DNAH2: variants seen among roughly 807,000 people sequenced by gnomAD.
The protein encoded by DNAH2 is axonemal beta dynein heavy chain 2.
Under a neutral mutation model 523.5 loss-of-function variants are expected in DNAH2, and 323 were observed. The observed-to-expected ratio is 0.62, with a 90% CI of 0.56 to 0.68. The LOEUF is 0.68. Ranked by LOEUF, DNAH2 falls within the 30% of genes least tolerant of loss-of-function variation. DNAH2 has a pLI of 0.00. For missense variants in DNAH2, 4,907 were observed against 5,701.5 expected (o/e 0.86, Z 4.49); for synonymous variants, 2,093 against 2,177.4 (o/e 0.96, Z 1.08).
intron 12 of DNAH2, chr17:7,743,539 G>A: frequency 1.7e-6 from 1 of 596,080 alleles, no homozygotes; most frequent in Admixed American, 3.0e-5. Context: ...GGTGGCACAA[G>A]CCTGTAGTCT....
intron 5 of DNAH2, among the ~76,000 whole-genome samples, chr17:7,733,783 C>T (rs187419846): frequency 1.9e-4 from 29 of 152,060 alleles, no homozygotes; most frequent in African/African-American, 3.4e-4. Context: ...TGCCAAGATC[C>T]GCTTTCTAAT....
chr17:7,783,936 AC>A (rs1227057806), intron 39 of DNAH2, among the ~76,000 whole-genome samples: 5 of 152,222 alleles, frequency 3.3e-5, no homozygotes, highest in Admixed American at 3.3e-4. Context: ...TATAATGTTT[AC>A]AAGAGACCCA....
intron 22 of DNAH2, among the ~76,000 whole-genome samples, chr17:7,767,479 G>A (rs1325580588): frequency 6.6e-6 from 1 of 152,046 alleles, no homozygotes; most frequent in Non-Finnish European, 1.5e-5. Context: ...TAGATCATAT[G>A]GAAACTCTAT....
Position 7,770,943 on chromosome 17 carries a change from C to G in DNAH2, c.4362+10C>G, listed in dbSNP as rs371701082. 2.5e-6 allele frequency: 4 copies of G among 1,611,826 alleles called. No homozygotes were observed. The highest frequency in any genetic ancestry group is 4.5e-5 in the East Asian group (2 of 44,870). ...GTGGATGTACTTAGAGGTCAGGACTCAGCGCCTGAGCTCTTCCTGCTTCCT... is the reference window on the plus strand; with the variant it reads ...GTGGATGTACTTAGAGGTCAGGACTGAGCGCCTGAGCTCTTCCTGCTTCCT... On this transcript the variant is annotated intron_variant, in intron 27 of 85. Transcript: ENST00000572933.
intron 58 of DNAH2, among the ~76,000 whole-genome samples, 177 bp from the exon 59 acceptor site, chr17:7,804,079 G>A (rs2077295956): frequency 6.6e-6 from 1 of 152,184 alleles, no homozygotes. Flanking sequence ...CCCTTGGGAA[G>A]CTGTTGGCAA....
At chr17:7,767,849 G>A (rs2076211502) in intron 22 of DNAH2, 51 bp from the exon 23 acceptor site, 6 of 1,610,914 alleles carry the variant, frequency 3.7e-6, no homozygotes, top group Non-Finnish European at 5.1e-6. Flanking sequence ...CGTCCGTCAG[G>A]GAGGAAGAGG....
In DNAH2 at chr17:7,737,337, A is replaced by G. The variant is rs146785629; in HGVS notation, c.1170+79A>G. The G allele has an allele frequency of 2.1e-6, 3 of 1,461,416 alleles. No individual in the cohort carries two copies. In the East Asian group the frequency reaches 6.9e-5, roughly 33 times the overall value. 90.5% of individuals were successfully genotyped at this position (1,461,416 alleles called of 1,614,324 possible). A position where few individuals can be genotyped will look rare whatever the true frequency, so the allele number is the denominator to read the frequency against. On this transcript the variant is annotated intron_variant, in intron 8 of 85. Transcript: ENST00000572933. ...CTGAAGCAGGGGGAATGCATTCGGC[A>G]GAGGATCTGTGGTTGAAAAGGTAGT... is the stretch of plus-strand genomic sequence containing the variant.
At position 7,807,148 on chromosome 17, in the gene DNAH2, A is replaced by AG; in HGVS notation, c.9445dup. 3 of 1,604,572 alleles carry AG rather than the reference A, an allele frequency of 1.9e-6. No homozygotes were observed. The highest frequency in any genetic ancestry group is 2.5e-6 in the Non-Finnish European group (3 of 1,179,748). On this transcript the variant is annotated splice_acceptor_variant, in intron 61 of 85. Coordinates refer to ENST00000572933, the MANE Select transcript of DNAH2 (RefSeq NM_020877.5). LOFTEE classifies it high-confidence loss of function. This position sits in a 1 kb window ranked among gnomAD's most constrained non-coding sequence, Gnocchi z 5.6. ...CTAAGGCCCCTAATTTTCATCCCAC[A>AG]GGGGAACAGAACTTCATCAAGTCAC...
At position 7,819,272 on chromosome 17, in the gene DNAH2, A is replaced by G. The variant is rs756985455; in HGVS notation, c.10879A>G (p.Ile3627Val). Reference protein sequence around the residue: ...LFFVLNDMGCIDPMYQFSLDA... With the variant: ...LFFVLNDMGCVDPMYQFSLDA... ...CTTCGTGCTCAATGATATGGGCTGC[A>G]TCGACCCCATGTACCAGTTCTCACT... The change falls in exon 72 of 86, where the codon ATC becomes GTC. Residue 3627 changes from isoleucine to valine, a missense_variant. Coordinates refer to ENST00000572933, the MANE Select transcript of DNAH2 (RefSeq NM_020877.5). 1 of 1,614,198 alleles carries G rather than the reference A, an allele frequency of 6.2e-7. No individual in the cohort carries two copies. Among genetic ancestry groups the G allele is most frequent in the South Asian group, 1.1e-5 (1 of 91,092 alleles).
At chr17:7,751,014 G>A (rs1281211777) in intron 12 of DNAH2, among the ~76,000 whole-genome samples, 1 of 152,116 alleles carries the variant, frequency 6.6e-6, no homozygotes, top group Admixed American at 6.5e-5. Context: ...TATTTAGAAT[G>A]CAAAGTTTCT....
chr17:7,719,571 T>G, intron 1 of DNAH2, 150 bp from the exon 2 acceptor site: 1 of 972,968 alleles, frequency 1.0e-6, no homozygotes, highest in Non-Finnish European at 1.6e-6. Flanking sequence ...AGAGCCCTTG[T>G]GGTTAATGGA....
At chr17:7,802,047 C>A in intron 58 of DNAH2, 30 bp downstream of exon 58, 1 of 1,612,484 alleles carries the variant, frequency 6.2e-7, no homozygotes, top group Non-Finnish European at 8.5e-7. Flanking sequence ...ATGTGCAGGG[C>A]CAGGGAGGCT....
Position 7,799,136 on chromosome 17 carries a change from G to C in DNAH2, c.8593G>C (p.Glu2865Gln). 1.2e-6 allele frequency: 2 copies of C among 1,614,200 alleles called. No homozygotes were observed. The highest frequency in any genetic ancestry group is 1.7e-6 in the Non-Finnish European group (2 of 1,180,046). ...QSHIIDQARV[E>Q]QVPESSDSLF... ...GCATATCATAGACCAGGCCCGGGTG[G>C]AGCAGGTGCCTGAGTCATCGGACAG... The change falls in exon 56 of 86, where the codon GAG becomes CAG. Residue 2865 changes from glutamate (E) to glutamine (Q), a missense_variant. Physicochemically the swap from Glu to Gln is conservative, Grantham distance 29. Transcript: ENST00000572933.
chr17:7,817,652 G>T lies in DNAH2; in HGVS notation c.10112G>T (p.Gly3371Val), dbSNP rs764768217. 1 of 1,614,136 alleles carries T rather than the reference G, an allele frequency of 6.2e-7. No homozygotes were observed. Among genetic ancestry groups the T allele is most frequent in the Admixed American group, 1.7e-5 (1 of 60,012 alleles). ...PTKVRDWNIQ[G>V]LPSDAFSTEN... is the part of the protein sequence containing the mutation. ...AAAGTCCGGGACTGGAACATCCAAG[G>T]GTTGCCCTCAGACGCCTTCTCCACT... The change falls in exon 66 of 86, where the codon GGG becomes GTG. Residue 3371 changes from glycine to valine, a missense_variant. This residue lies in a region of DNAH2 where 1,851 missense variants were observed against 2,139.4 expected (regional missense o/e 0.87). Transcript: ENST00000572933.
chr17:7,786,698 G>C lies in DNAH2; in HGVS notation c.6466+11G>C. On this transcript the variant is annotated intron_variant, in intron 41 of 85. Transcript: ENST00000572933. The surrounding 1 kb of genome is among the most constrained non-coding windows in gnomAD (Gnocchi z 7.5). ...GGACGGCATGTGCAGGTATCCAGAG[G>C]ATCGTGGGGTGTGGAGAGCAGACGC... 1 of 1,613,494 alleles carries C rather than the reference G, an allele frequency of 6.2e-7. No homozygotes were observed. The highest frequency in any genetic ancestry group is 8.5e-7 in the Non-Finnish European group (1 of 1,179,766).
Position 7,833,609 on chromosome 17 carries a change from G to A in DNAH2, c.*76G>A, listed in dbSNP as rs1027839972. 1.9e-6 allele frequency: 3 copies of A among 1,592,020 alleles called. No homozygotes were observed. The highest frequency in any genetic ancestry group is 2.7e-5 in the African/African-American group (2 of 74,730). On this transcript the variant is annotated 3_prime_UTR_variant, in exon 86 of 86. Coordinates refer to ENST00000572933, the MANE Select transcript of DNAH2 (RefSeq NM_020877.5). The stretch of plus-strand genomic sequence containing the variant: ...TAAGACAGATGTTGCACCTAGGACT[G>A]AGGCCGGACCTCACTCAGACTTTGA...
At position 7,801,778 on chromosome 17, in the gene DNAH2, C is replaced by T. The variant is rs1597711282; in HGVS notation, c.8832+68C>T. 22 of 1,609,454 alleles carry T rather than the reference C, an allele frequency of 1.4e-5. No individual in the cohort carries two copies. In the East Asian group the frequency reaches 1.8e-4, roughly 13 times the overall value. ...CTCTCCCCCGCCTCTCATCTCTCAT[C>T]GCACCCCCGGCCTCTCTCCTTCCCG... is the stretch of plus-strand genomic sequence containing the variant. On this transcript the variant is annotated intron_variant, in intron 57 of 85. Transcript: ENST00000572933.
At position 7,780,721 on chromosome 17, in the gene DNAH2, C is replaced by T. The variant is rs1410071133; in HGVS notation, c.5942C>T (p.Thr1981Ile). The change falls in exon 38 of 86, where the codon ACC becomes ATC. Residue 1981 changes from threonine (T) to isoleucine (I), a missense_variant. Physicochemically the swap from Thr to Ile is moderately conservative, Grantham distance 89. Coordinates refer to ENST00000572933, the MANE Select transcript of DNAH2 (RefSeq NM_020877.5). The surrounding 1 kb of genome is among the most constrained non-coding windows in gnomAD (Gnocchi z 4.4). ...DHYDFGLRALTSLLRYAGKKR... is the reference protein window; with the variant it reads ...DHYDFGLRALISLLRYAGKKR... ...TATGACTTTGGCCTGCGTGCCCTCA[C>T]CTCCCTTCTGCGCTATGCTGGCAAG... 1.2e-5 allele frequency: 19 copies of T among 1,614,152 alleles called. No individual in the cohort carries two copies. The highest frequency in any genetic ancestry group is 1.3e-5 in the Non-Finnish European group (15 of 1,180,056).
Position 7,833,603 on chromosome 17 carries a change from A to G in DNAH2, c.*70A>G, listed in dbSNP as rs2078259133. Reference sequence around the variant, plus strand: ...AGGAGCTAAGACAGATGTTGCACCTAGGACTGAGGCCGGACCTCACTCAGA... The same window carrying G: ...AGGAGCTAAGACAGATGTTGCACCTGGGACTGAGGCCGGACCTCACTCAGA... On this transcript the variant is annotated 3_prime_UTR_variant, in exon 86 of 86. Coordinates refer to ENST00000572933, the MANE Select transcript of DNAH2 (RefSeq NM_020877.5). 6.3e-7 allele frequency: 1 copy of G among 1,597,452 alleles called. No individual in the cohort carries two copies. The highest frequency in any genetic ancestry group is 1.7e-5 in the Admixed American group (1 of 59,424).
Sources: gnomAD v4.1 joint callset for allele counts (sites outside exome capture counted in the v4.1 genomes callset) on GRCh38, gnomAD v4.1.1 for gene constraint, gnomAD v4.1.1 regional missense constraint, Gnocchi (gnomAD v3.1) non-coding constraint, MANE v1.5 for transcripts, NCBI Gene and HGNC (gene_info 2026-07-23, HGNC 2026-07-21) for gene names.